BANK1: variants seen among roughly 807,000 people sequenced by gnomAD.
BANK1 encodes the protein B-cell scaffold protein with ankyrin repeats.
Under a neutral mutation model 94.5 loss-of-function variants are expected in BANK1, and 95 were observed. That is an observed-to-expected ratio of 1.00 (90% CI 0.85 to 1.19). BANK1 has a LOEUF of 1.19. BANK1 is among the 50% of genes most tolerant of loss of function. The pLI, the probability that BANK1 is intolerant of heterozygous loss-of-function variation, is 0.00. For missense variants in BANK1, 987 were observed against 932.2 expected, an observed-to-expected ratio of 1.06 and a Z score of -0.77; for synonymous variants, 334 against 308.4, an observed-to-expected ratio of 1.08 and a Z score of -0.87.
At chr4:102,005,638 C>A (rs1055578170) in intron 7 of BANK1, among the ~76,000 whole-genome samples, 1 of 151,914 alleles carries the variant, frequency 6.6e-6, no homozygotes, top group Non-Finnish European at 1.5e-5. Context: ...TTCGCTAACA[C>A]CATTATTATT....
At chr4:101,943,854 T>C (rs1379742065) in intron 7 of BANK1, among the ~76,000 whole-genome samples, 1 of 151,976 alleles carries the variant, frequency 6.6e-6, no homozygotes, top group Non-Finnish European at 1.5e-5. Context: ...TGGATTTGAA[T>C]ACTACTTGAC....
Position 101,997,054 on chromosome 4 carries a change from A to T in BANK1, c.1207-24460A>T, listed in dbSNP as rs184575186. ...CAGCTTTTGCCCATTCAGTATGAAA[A>T]TGGCTGTGTGTTTGTCATAAATAGC... On this transcript the variant is annotated intron_variant, in intron 7 of 16. Transcript: ENST00000322953. 6.3e-3 allele frequency among the ~76,000 whole-genome samples: 961 copies of T among 152,100 alleles called. 15 individuals carry two copies. The highest frequency in any genetic ancestry group is 0.041 in the South Asian group (197 of 4,818).
intron 1 of BANK1, among the ~76,000 whole-genome samples, chr4:101,806,813 C>T (rs533930151): frequency 6.6e-6 from 1 of 152,266 alleles, no homozygotes; most frequent in South Asian, 2.1e-4. Context: ...ATTCTTCAAC[C>T]ATTTATTCTT....
At chr4:101,822,202 A>T (rs1726181776) in intron 1 of BANK1, among the ~76,000 whole-genome samples, 1 of 151,840 alleles carries the variant, frequency 6.6e-6, no homozygotes, top group African/African-American at 2.4e-5. Context: ...CATTAAAAAA[A>T]TACAAAAAAT....
At chr4:102,043,480 G>A (rs1371547396) in intron 10 of BANK1, among the ~76,000 whole-genome samples, 1 of 151,978 alleles carries the variant, frequency 6.6e-6, no homozygotes, top group Non-Finnish European at 1.5e-5. Flanking sequence ...GTCAGCATGG[G>A]TAATTTCTGT....
chr4:101,881,720 G>A (rs1025969014), intron 5 of BANK1, among the ~76,000 whole-genome samples: 1 of 152,138 alleles, frequency 6.6e-6, no homozygotes, highest in African/African-American at 2.4e-5. Flanking sequence ...ATACACAAGG[G>A]AGTACTATTC....
chr4:102,052,181 G>A (rs1283323726), intron 11 of BANK1, among the ~76,000 whole-genome samples: 2 of 139,604 alleles, frequency 1.4e-5, no homozygotes, highest in Non-Finnish European at 1.5e-5. Context: ...AGAGTGACAC[G>A]ATCTTGGCTC....
intron 7 of BANK1, among the ~76,000 whole-genome samples, chr4:102,006,436 G>A (rs932596454): frequency 2.0e-5 from 3 of 151,922 alleles, no homozygotes; most frequent in African/African-American, 7.2e-5. Context: ...AATTTAATGT[G>A]CATTCAGGGC....
At chr4:101,832,633 G>T (rs1302546725) in intron 2 of BANK1, among the ~76,000 whole-genome samples, 1 of 152,010 alleles carries the variant, frequency 6.6e-6, no homozygotes, top group Admixed American at 6.6e-5. Flanking sequence ...TTTTGGTTGA[G>T]CACTTATAAC....
chr4:101,956,366 C>T (rs535675480), intron 7 of BANK1, among the ~76,000 whole-genome samples: 1 of 152,290 alleles, frequency 6.6e-6, no homozygotes, highest in Non-Finnish European at 1.5e-5. Flanking sequence ...AAAATTCCCA[C>T]TATGCAGGCA....
At chr4:102,008,930 C>T (rs74878522) in intron 7 of BANK1, among the ~76,000 whole-genome samples, 4,047 of 152,254 alleles carry the variant, frequency 0.027, 96 homozygotes, top group Non-Finnish European at 0.037. Flanking sequence ...CGGAGAAAAA[C>T]GAACAGGGAA....
At chr4:102,052,582 A>G (rs895206011) in intron 11 of BANK1, among the ~76,000 whole-genome samples, 6 of 152,136 alleles carry the variant, frequency 3.9e-5, no homozygotes, top group Non-Finnish European at 7.4e-5. Flanking sequence ...AAAAGCACCA[A>G]GCTATCAACA....
intron 7 of BANK1, among the ~76,000 whole-genome samples, chr4:101,939,016 C>G (rs1295767897): frequency 6.6e-6 from 1 of 151,700 alleles, no homozygotes; most frequent in African/African-American, 2.4e-5. Flanking sequence ...GCAGCATTTC[C>G]TGAAATACTA....
chr4:102,058,510 T>A (rs1728310108), intron 11 of BANK1, among the ~76,000 whole-genome samples: 1 of 152,092 alleles, frequency 6.6e-6, no homozygotes, highest in African/African-American at 2.4e-5. Context: ...TTACTTCTTT[T>A]TACCCATCAA....
At chr4:101,910,711 A>C (rs1722636738) in intron 6 of BANK1, among the ~76,000 whole-genome samples, 1 of 151,890 alleles carries the variant, frequency 6.6e-6, no homozygotes, top group East Asian at 1.9e-4. Context: ...AAAAAAAAAA[A>C]AAACCATGGG....
At chr4:102,022,926 A>C (rs1016162169) in intron 8 of BANK1, among the ~76,000 whole-genome samples, 2 of 152,146 alleles carry the variant, frequency 1.3e-5, no homozygotes, top group Non-Finnish European at 2.9e-5. Flanking sequence ...TTATATGCTC[A>C]ATAGTTGCTT....
chr4:102,066,476 C>T (rs1348354185), intron 13 of BANK1, among the ~76,000 whole-genome samples: 1 of 152,090 alleles, frequency 6.6e-6, no homozygotes, highest in Non-Finnish European at 1.5e-5. Context: ...CCAGGATGGT[C>T]TCGATCTCCT....
intron 7 of BANK1, among the ~76,000 whole-genome samples, chr4:101,971,701 A>G (rs1724959344): frequency 6.6e-6 from 1 of 152,194 alleles, no homozygotes; most frequent in Admixed American, 6.6e-5. Context: ...TTCTGCATGT[A>G]GCTGCATCCA....
chr4:101,930,311 A>G (rs1047525036), intron 7 of BANK1, among the ~76,000 whole-genome samples: 3 of 151,150 alleles, frequency 2.0e-5, no homozygotes, highest in East Asian at 3.9e-4. Context: ...TCATTTACCT[A>G]TTCATTCTTT....
Sources: allele counts gnomAD v4.1 joint callset (sites outside exome capture counted in the v4.1 genomes callset), GRCh38; gene constraint gnomAD v4.1.1; transcripts MANE v1.5; gene names NCBI Gene and HGNC (gene_info 2026-07-23, HGNC 2026-07-21).